Variants in DENND1B observed in about 807,000 individuals in gnomAD.
The protein encoded by DENND1B is DENN domain containing 1B, also known as DENN domain-containing protein 1B.
In DENND1B, 59 loss-of-function variants were observed where a neutral mutation model predicts 90.1. That is an observed-to-expected ratio of 0.65 (90% confidence interval 0.53 to 0.81). DENND1B has a LOEUF of 0.81. Ranked by LOEUF, DENND1B falls within the 40% of genes least tolerant of loss-of-function variation. The pLI is 0.00. For missense variants in DENND1B, 862 were observed against 912.6 expected, an observed-to-expected ratio of 0.94 and a Z score of 0.71; for synonymous variants, 337 against 324.6, an observed-to-expected ratio of 1.04 and a Z score of -0.41.
At position 197,567,990 on chromosome 1, in the gene DENND1B, G is replaced by A. The variant is rs138585522; in HGVS notation, c.1150-14878C>T. On this transcript the variant is annotated intron_variant, in intron 15 of 22. Transcript: ENST00000620048. ...AAATAAAAGGCATCCAAACTGGGGA[G>A]ATGAGGGGAGGGAGGGAAGGAAGGA... is the stretch of plus-strand genomic sequence containing the variant. 2.1e-3 allele frequency among the ~76,000 whole-genome samples: 306 copies of A among 147,970 alleles called. 1 individual carries two copies. Among genetic ancestry groups the A allele is most frequent in the African/African-American group, 7.4e-3 (299 of 40,606 alleles).
chr1:197,624,032 T>C (rs551047011), intron 10 of DENND1B, among the ~76,000 whole-genome samples: 15 of 151,600 alleles, frequency 9.9e-5, no homozygotes, highest in Non-Finnish European at 2.1e-4. Context: ...ACAATCCCAA[T>C]CAAAATCCCA....
chr1:197,669,449 T>C (rs1159167950), intron 5 of DENND1B, among the ~76,000 whole-genome samples: 2 of 152,136 alleles, frequency 1.3e-5, no homozygotes, highest in African/African-American at 2.4e-5. Context: ...AGCTTACAAA[T>C]AGACATTTAC....
At chr1:197,771,252 C>T (rs1303297515) in intron 2 of DENND1B, among the ~76,000 whole-genome samples, 3 of 152,060 alleles carry the variant, frequency 2.0e-5, no homozygotes, top group Non-Finnish European at 4.4e-5. Flanking sequence ...CACGCACCTT[C>T]GGTAATGTTG....
intron 2 of DENND1B, among the ~76,000 whole-genome samples, chr1:197,726,306 T>C (rs1661629255): frequency 1.3e-5 from 2 of 152,290 alleles, no homozygotes; most frequent in South Asian, 4.1e-4. Flanking sequence ...GTTCTAGATC[T>C]GCAGAACTTC....
intron 18 of DENND1B, chr1:197,545,587 G>T: frequency 5.1e-6 from 1 of 197,584 alleles, no homozygotes. Flanking sequence ...TACTTGAGCC[G>T]CAAGTACACA....
intron 20 of DENND1B, among the ~76,000 whole-genome samples, chr1:197,518,351 G>C (rs1027911818): frequency 2.0e-5 from 3 of 151,888 alleles, no homozygotes; most frequent in Non-Finnish European, 4.4e-5. Context: ...CAATCCACTA[G>C]AATGGAACAA....
chr1:197,706,451 G>C (rs1367451291), intron 3 of DENND1B, among the ~76,000 whole-genome samples: 1 of 152,126 alleles, frequency 6.6e-6, no homozygotes, highest in East Asian at 1.9e-4. Context: ...AAACTAAAAA[G>C]CTTCGGCACA....
At chr1:197,761,440 C>A (rs908858257) in intron 2 of DENND1B, among the ~76,000 whole-genome samples, 2 of 152,056 alleles carry the variant, frequency 1.3e-5, no homozygotes, top group African/African-American at 4.8e-5. Context: ...AATGCATAGA[C>A]CTTGAGGACA....
chr1:197,558,162 C>T (rs972997444), intron 15 of DENND1B, among the ~76,000 whole-genome samples: 2 of 151,484 alleles, frequency 1.3e-5, no homozygotes, highest in Admixed American at 6.6e-5. Flanking sequence ...TAAGATGATG[C>T]TTTTATATAA....
chr1:197,664,008 C>T (rs1572239964), intron 5 of DENND1B, among the ~76,000 whole-genome samples: 1 of 134,578 alleles, frequency 7.4e-6, no homozygotes, highest in African/African-American at 2.8e-5. Context: ...GAAACACACA[C>T]ATACACACAC....
At chr1:197,528,869 A>C (rs1283110109) in intron 20 of DENND1B, among the ~76,000 whole-genome samples, 1 of 151,688 alleles carries the variant, frequency 6.6e-6, no homozygotes, top group East Asian at 1.9e-4. Flanking sequence ...AAAAAAAAAA[A>C]AAAATTCTTA....
intron 10 of DENND1B, 112 bp from the exon 11 acceptor site, chr1:197,617,871 C>A (rs1300448334): frequency 1.4e-6 from 1 of 714,020 alleles, no homozygotes; most frequent in Admixed American, 2.2e-5. Flanking sequence ...TACATAACTA[C>A]ATAAATCACA....
At position 197,775,149 on chromosome 1, in the gene DENND1B, A is replaced by G. The variant is rs549950873; in HGVS notation, c.7T>C (p.Cys3Arg). 2.4e-4 allele frequency: 310 copies of G among 1,302,702 alleles called. 4 individuals are homozygous for G. The South Asian group carries it at 6.7e-3, about 28-fold the overall frequency. 80.7% of individuals were successfully genotyped at this position (1,302,702 alleles called of 1,614,324 possible). A position where few individuals can be genotyped will look rare whatever the true frequency, so the allele number is the denominator to read the frequency against. The change falls in exon 1 of 23, where the codon TGC becomes CGC. Residue 3 changes from cysteine to arginine, a missense_variant. Coordinates refer to ENST00000620048, the MANE Select transcript of DENND1B (RefSeq NM_001195215.2). The stretch of plus-strand genomic sequence containing the variant: ...GGCCCCCCCACTCACTTGGTCCTGC[A>G]GTCCATGGTTACATGTCGGTGTGGG... MD[C>R]RTKANPDRTF...
chr1:197,732,298 C>G (rs1191529827), intron 2 of DENND1B, among the ~76,000 whole-genome samples: 1 of 152,106 alleles, frequency 6.6e-6, no homozygotes, highest in African/African-American at 2.4e-5. Context: ...CCTAACTGGC[C>G]CACCTATGTG....
At chr1:197,543,487 T>C (rs186695650) in intron 18 of DENND1B, among the ~76,000 whole-genome samples, 31 of 152,286 alleles carry the variant, frequency 2.0e-4, no homozygotes, top group Admixed American at 1.7e-3. Flanking sequence ...TGAAGGGCTA[T>C]TGACTGTGAA....
rs1319588995 is a variant in DENND1B at position 197,512,972 on chromosome 1, A to T, written c.1516-19T>A. The T allele has an allele frequency of 6.3e-7, 1 of 1,596,572 alleles. No individual in the cohort carries two copies. The highest frequency in any genetic ancestry group is 1.7e-5 in the Admixed American group (1 of 57,346). Reference sequence around the variant, plus strand: ...AGCGTGCCTGGAGAGAGAGATTGACAATAAATTGGCATTAGCAGTTTAAAA... The same window carrying T: ...AGCGTGCCTGGAGAGAGAGATTGACTATAAATTGGCATTAGCAGTTTAAAA... On this transcript the variant is annotated intron_variant, in intron 20 of 22. Transcript: ENST00000620048.
At chr1:197,588,412 C>T (rs1674902187) in intron 14 of DENND1B, among the ~76,000 whole-genome samples, 1 of 152,070 alleles carries the variant, frequency 6.6e-6, no homozygotes. Context: ...AGATCTTATA[C>T]TATCAGGACG....
chr1:197,743,790 C>T (rs1558470033), intron 2 of DENND1B, among the ~76,000 whole-genome samples: 1 of 152,090 alleles, frequency 6.6e-6, no homozygotes, highest in Non-Finnish European at 1.5e-5. Flanking sequence ...CAAGGCCAGC[C>T]TGGGCAACAT....
At chr1:197,549,287 TA>T (rs1369737022) in intron 16 of DENND1B, among the ~76,000 whole-genome samples, 1 of 152,166 alleles carries the variant, frequency 6.6e-6, no homozygotes, top group Non-Finnish European at 1.5e-5. Context: ...TAAATTGGTC[TA>T]AATTGTTCAA....
Sources: gnomAD v4.1 joint callset for allele counts (sites outside exome capture counted in the v4.1 genomes callset) on GRCh38, gnomAD v4.1.1 for gene constraint, MANE v1.5 for transcripts, NCBI Gene and HGNC (gene_info 2026-07-23, HGNC 2026-07-21) for gene names.